PIK3AP1: variants seen among roughly 807,000 people sequenced by gnomAD.
The protein encoded by PIK3AP1 is phosphoinositide 3-kinase adapter protein 1.
PIK3AP1 carries 21 observed loss-of-function variants against 88.1 expected under a neutral mutation model. The ratio of observed to expected loss-of-function variants is 0.24; its 90% CI spans 0.17 to 0.34. The LOEUF (loss-of-function observed/expected upper bound fraction) is 0.34, where lower values mean the gene tolerates loss of function less well. Ranked by LOEUF, PIK3AP1 falls within the 10% of genes least tolerant of loss-of-function variation. PIK3AP1 has a pLI of 1.00. For missense variants in PIK3AP1, 828 were observed against 1,035.7 expected, an observed-to-expected ratio of 0.80 and a Z score of 2.75; for synonymous variants, 398 against 400.0, an observed-to-expected ratio of 1.00 and a Z score of 0.06.
At chr10:96,602,504 G>C in intron 15 of PIK3AP1, 106 bp from the exon 16 acceptor site, 1 of 949,336 alleles carries the variant, frequency 1.1e-6, no homozygotes, top group Non-Finnish European at 1.6e-6. Context: ...GGCTGGGGCT[G>C]AAGGTTGTTT....
At chr10:96,700,276 C>G (rs1349106353) in intron 2 of PIK3AP1, among the ~76,000 whole-genome samples, 1 of 152,234 alleles carries the variant, frequency 6.6e-6, no homozygotes, top group Non-Finnish European at 1.5e-5. Context: ...CCACCGAGAT[C>G]TCTCGGCTTT....
intron 2 of PIK3AP1, among the ~76,000 whole-genome samples, chr10:96,703,271 C>T (rs1381534583): frequency 6.6e-6 from 1 of 152,148 alleles, no homozygotes; most frequent in Admixed American, 6.5e-5. Context: ...ACATATCCCT[C>T]TAAATTTTTC....
In PIK3AP1 at chr10:96,646,258, T is replaced by TAA. The variant is rs55906067; in HGVS notation, c.1186-598_1186-597dup. ...CTGGGCAACAGAGCAAGACTCTGTCTAAAAAAAAAAAAAATACTTTCCCGT... is the reference window on the plus strand; with the variant it reads ...CTGGGCAACAGAGCAAGACTCTGTCTAAAAAAAAAAAAAAAATACTTTCCCGT... On this transcript the variant is annotated intron_variant, in intron 7 of 16. Transcript: ENST00000339364. 2.0e-4 allele frequency among the ~76,000 whole-genome samples: 29 copies of TAA among 144,744 alleles called. No homozygotes were observed. In the East Asian group the frequency reaches 2.6e-3, roughly 13 times the overall value. The allele number at this position is 144,744 out of a possible 152,430, so 95.0% of individuals were successfully genotyped here. A position where few individuals can be genotyped will look rare whatever the true frequency, so the allele number is the denominator to read the frequency against.
At chr10:96,626,664 A>T (rs762380668) in intron 10 of PIK3AP1, 44 bp downstream of exon 10, 2 of 1,588,228 alleles carry the variant, frequency 1.3e-6, no homozygotes, top group Admixed American at 3.4e-5. Flanking sequence ...CCCTGTTGAG[A>T]AGCTCCAAAG....
chr10:96,716,720 C>T (rs1844507421), intron 1 of PIK3AP1, among the ~76,000 whole-genome samples: 2 of 152,200 alleles, frequency 1.3e-5, no homozygotes, highest in Admixed American at 1.3e-4. Flanking sequence ...TATCCTCAAT[C>T]ACATCTCTCT....
chr10:96,612,980 ATATTTTTTTTTTTTTTTTTT>A (rs1470355066), intron 13 of PIK3AP1, among the ~76,000 whole-genome samples: 1,161 of 36,664 alleles, frequency 0.032, 5 homozygotes, highest in Middle Eastern at 0.065. Flanking sequence ...ATATATATAT[ATATTTTTTTTTTTTTTTTTT>A]TTTTTTTTTT....
chr10:96,628,875 C>CACACACACATATATACATATAG (rs1564961141), intron 8 of PIK3AP1, among the ~76,000 whole-genome samples: 1 of 90,910 alleles, frequency 1.1e-5, no homozygotes, highest in Non-Finnish European at 2.2e-5. Context: ...CATATATACA[C>CACACACACATATATACATATAG]ATATATATAT....
At chr10:96,700,610 T>A (rs940992780) in intron 2 of PIK3AP1, among the ~76,000 whole-genome samples, 4 of 152,088 alleles carry the variant, frequency 2.6e-5, no homozygotes, top group African/African-American at 9.7e-5. Context: ...CAGGGGGTAT[T>A]TAAGGAGGAT....
At chr10:96,703,002 C>T (rs571884580) in intron 2 of PIK3AP1, among the ~76,000 whole-genome samples, 5 of 152,206 alleles carry the variant, frequency 3.3e-5, no homozygotes, top group African/African-American at 1.2e-4. Flanking sequence ...TCAGCCTCTC[C>T]GGTAGCTGGG....
rs1039828867 is a variant in PIK3AP1, at chr10:96,620,355, C to A, written c.1938G>T (p.Gln646His). 1 of 1,613,748 alleles carries A rather than the reference C, an allele frequency of 6.2e-7. No homozygotes were observed. The highest frequency in any genetic ancestry group is 1.3e-5 in the African/African-American group (1 of 74,924). The change falls in exon 12 of 17, where the codon CAG becomes CAT. Residue 646 changes from glutamine (Q) to histidine (H), a missense_variant. By Grantham distance (24) the Gln-to-His change is conservative (BLOSUM62 0). Around this residue, in one of 3 missense-constraint regions of PIK3AP1, gnomAD observed 27 missense variants for 67.1 expected, o/e 0.40. Transcript: ENST00000339364. ...AATTCCATACGAAGCTAGTTACCTG[C>A]TGGAAACGAAAGGACTCCGATCGTT... ...QKKRSESFRFQQENLKRLRDS... is the reference protein window; with the variant it reads ...QKKRSESFRFHQENLKRLRDS...
At chr10:96,699,014 C>CT (rs1441029322) in intron 2 of PIK3AP1, among the ~76,000 whole-genome samples, 1 of 151,710 alleles carries the variant, frequency 6.6e-6, no homozygotes, top group Non-Finnish European at 1.5e-5. Flanking sequence ...CCCATCTCTA[C>CT]TAAAAAAAAA....
chr10:96,645,785 TTG>T, intron 7 of PIK3AP1, 123 bp from the exon 8 acceptor site: 1 of 756,122 alleles, frequency 1.3e-6, no homozygotes, highest in South Asian at 2.0e-5. Context: ...TTACAACTGG[TTG>T]TGTGTATTTG....
In PIK3AP1 at chr10:96,609,860, C is replaced by G; in HGVS notation, c.2022G>C (p.Glu674Asp). 1 of 1,614,110 alleles carries G rather than the reference C, an allele frequency of 6.2e-7. No homozygotes were observed. The highest frequency in any genetic ancestry group is 8.5e-7 in the Non-Finnish European group (1 of 1,179,976). ...KQKSGKQTDL[E>D]ITVPIRHSQH... ...GTGAGTGCCGAATTGGGACCGTGATCTCCAAGTCTGGAATTGGAGGAAAGA... is the reference window on the plus strand; with the variant it reads ...GTGAGTGCCGAATTGGGACCGTGATGTCCAAGTCTGGAATTGGAGGAAAGA... Residue 674 changes from glutamate to aspartate, a missense_variant, in exon 14 of 17, where the codon GAG (glutamate) becomes GAC (aspartate). This residue lies in a region of PIK3AP1 where 191 missense variants were observed against 208.6 expected (regional missense o/e 0.92). Transcript: ENST00000339364.
Position 96,595,360 on chromosome 10 carries a change from T to C in PIK3AP1, c.*217A>G. On this transcript the variant is annotated 3_prime_UTR_variant, in exon 17 of 17. Coordinates refer to ENST00000339364, the MANE Select transcript of PIK3AP1 (RefSeq NM_152309.3). The stretch of plus-strand genomic sequence containing the variant: ...CAAACAAGTATATGGTTCGATATAC[T>C]TGGTGATGGTGAATGAAGCCCTTAG... 1.7e-6 allele frequency: 1 copy of C among 574,418 alleles called. No homozygotes were observed. Among genetic ancestry groups the C allele is most frequent in the South Asian group, 2.3e-5 (1 of 43,814 alleles). 35.6% of individuals were successfully genotyped at this position (574,418 alleles called of 1,614,324 possible).
chr10:96,641,127 G>GCGCA (rs58402647), intron 8 of PIK3AP1, among the ~76,000 whole-genome samples: 48,463 of 147,492 alleles, frequency 0.33, 8,921 homozygotes, highest in Non-Finnish European at 0.43. Flanking sequence ...GTGTGTGTGC[G>GCGCA]TGTGCATGTA....
At chr10:96,683,317 G>A (rs471601) in intron 2 of PIK3AP1, among the ~76,000 whole-genome samples, 9,337 of 152,212 alleles carry the variant, frequency 0.061, 955 homozygotes, top group African/African-American at 0.21. Flanking sequence ...AGGAGAGTAC[G>A]CCACAGATAA....
At chr10:96,656,972 G>A in intron 2 of PIK3AP1, 38 bp from the exon 3 acceptor site, 1 of 1,591,866 alleles carries the variant, frequency 6.3e-7, no homozygotes, top group Non-Finnish European at 8.6e-7. Flanking sequence ...GGAACGGCAG[G>A]AAGGAGAACT....
intron 12 of PIK3AP1, among the ~76,000 whole-genome samples, chr10:96,616,975 C>T (rs1849224918): frequency 6.6e-6 from 1 of 152,168 alleles, no homozygotes; most frequent in Non-Finnish European, 1.5e-5. Context: ...CTATATGACC[C>T]CTCTCATGTA....
intron 8 of PIK3AP1, among the ~76,000 whole-genome samples, chr10:96,628,971 C>T (rs1205041445): frequency 7.0e-6 from 1 of 143,590 alleles, no homozygotes. Flanking sequence ...TTCACAGGCA[C>T]AACTACAGCA....
Sources: allele counts gnomAD v4.1 joint callset (sites outside exome capture counted in the v4.1 genomes callset), GRCh38; gene constraint gnomAD v4.1.1; regional missense constraint gnomAD v4.1.1; transcripts MANE v1.5; gene names NCBI Gene and HGNC (gene_info 2026-07-23, HGNC 2026-07-21).